The following LASP1 variants were observed in gnomAD, a reference collection of about 807,000 sequenced individuals.
LASP1 encodes the protein LIM and SH3 domain protein 1.
In LASP1, 10 loss-of-function variants were observed where a neutral mutation model predicts 38.6. That is an observed-to-expected ratio of 0.26 (90% confidence interval 0.16 to 0.44). The LOEUF (loss-of-function observed/expected upper bound fraction) is 0.44, where lower values mean the gene tolerates loss of function less well. LASP1 is among the 20% of genes least tolerant of loss of function. The pLI is 1.00. For synonymous variants in LASP1, 132 were observed against 140.8 expected, an observed-to-expected ratio of 0.94 and a Z score of 0.44; for missense variants, 243 against 375.7, an observed-to-expected ratio of 0.65 and a Z score of 2.92.
At chr17:38,898,927 G>A (rs1460175244) in intron 4 of LASP1, 6 of 364,494 alleles carry the variant, frequency 1.6e-5, no homozygotes, top group Non-Finnish European at 2.7e-5. Flanking sequence ...AGTCATTTCC[G>A]CCCTTCCTTG....
intron 1 of LASP1, among the ~76,000 whole-genome samples, chr17:38,877,694 G>A (rs777025749): frequency 1.3e-5 from 2 of 152,116 alleles, no homozygotes; most frequent in East Asian, 3.9e-4. Flanking sequence ...CATGTTCAGC[G>A]GCTGCTCCCT....
At chr17:38,882,723 A>C (rs1437949324) in intron 2 of LASP1, among the ~76,000 whole-genome samples, 1 of 152,202 alleles carries the variant, frequency 6.6e-6, no homozygotes, top group Non-Finnish European at 1.5e-5. Context: ...GTCTCCCTGC[A>C]GATAGTCTAG....
At chr17:38,876,973 A>T (rs952209430) in intron 1 of LASP1, among the ~76,000 whole-genome samples, 3 of 152,014 alleles carry the variant, frequency 2.0e-5, no homozygotes, top group African/African-American at 7.3e-5. Context: ...AAAGTGCGGG[A>T]TTACAGGCGT....
intron 6 of LASP1, chr17:38,916,969 A>C (rs1915149237): frequency 6.6e-6 from 1 of 152,282 alleles, no homozygotes; most frequent in African/African-American, 2.4e-5. Flanking sequence ...TGAGGCAGGA[A>C]TATTCTAGGA....
chr17:38,887,672 C>T (rs935508119), intron 2 of LASP1, among the ~76,000 whole-genome samples: 17 of 152,150 alleles, frequency 1.1e-4, no homozygotes, highest in African/African-American at 3.1e-4. Flanking sequence ...CATCTGGATC[C>T]GGGACAGTGA....
At chr17:38,870,396 T>C in intron 1 of LASP1, 138 bp downstream of exon 1, 2 of 932,342 alleles carry the variant, frequency 2.1e-6, no homozygotes, top group Non-Finnish European at 3.2e-6. Flanking sequence ...GGCGGTGTCA[T>C]GGGGTGTGGG....
At chr17:38,891,910 CAT>C (rs1227804000) in intron 3 of LASP1, among the ~76,000 whole-genome samples, 1 of 151,664 alleles carries the variant, frequency 6.6e-6, no homozygotes, top group East Asian at 1.9e-4. Flanking sequence ...GCTGGGGCAA[CAT>C]AGCAATACCT....
chr17:38,916,186 T>C (rs1457695037), intron 6 of LASP1: 1 of 152,074 alleles, frequency 6.6e-6, no homozygotes, highest in Non-Finnish European at 1.5e-5. Context: ...AATAAGAAAA[T>C]AGGTGTATAA....
chr17:38,910,733 C>CTTTTTTT (rs10526728), intron 4 of LASP1, among the ~76,000 whole-genome samples: 7 of 135,498 alleles, frequency 5.2e-5, no homozygotes, highest in African/African-American at 1.8e-4. Context: ...CTGGAGTCCA[C>CTTTTTTT]TTTTTTTTAA....
intron 5 of LASP1, among the ~76,000 whole-genome samples, chr17:38,914,717 C>T (rs1915062192): frequency 6.6e-6 from 1 of 151,806 alleles, no homozygotes; most frequent in Non-Finnish European, 1.5e-5. Context: ...CACACACATG[C>T]ACGCACGCAT....
In LASP1 at chr17:38,884,669, G is replaced by A. The variant is rs186976066; in HGVS notation, c.165-5751G>A. 3.9e-3 allele frequency among the ~76,000 whole-genome samples: 576 copies of A among 148,034 alleles called. 7 individuals are homozygous for A. The highest frequency in any genetic ancestry group is 0.014 in the African/African-American group (544 of 40,162). On this transcript the variant is annotated intron_variant, in intron 2 of 6. Transcript: ENST00000318008. ...CCTCCTAAAGTGCTAGGATTACAGC[G>A]TGAGCCACCACGTCCGGCTTTTTTT...
chr17:38,888,255 T>A (rs1259047239), intron 2 of LASP1, among the ~76,000 whole-genome samples: 5 of 151,466 alleles, frequency 3.3e-5, no homozygotes, highest in African/African-American at 1.2e-4. Flanking sequence ...TGAGTTCTAG[T>A]CCTGCACCAG....
intron 4 of LASP1, among the ~76,000 whole-genome samples, chr17:38,900,238 G>C (rs1914603211): frequency 6.7e-6 from 1 of 149,420 alleles, no homozygotes; most frequent in African/African-American, 2.5e-5. Flanking sequence ...AAACTAGCCA[G>C]GCATGATAGC....
intron 4 of LASP1, among the ~76,000 whole-genome samples, chr17:38,912,531 G>A (rs1598121297): frequency 1.3e-5 from 2 of 152,198 alleles, no homozygotes; most frequent in African/African-American, 2.4e-5. Flanking sequence ...GGAGTCACCC[G>A]TGATTCTCCA....
intron 3 of LASP1, among the ~76,000 whole-genome samples, chr17:38,892,913 C>T (rs1433072528): frequency 6.6e-6 from 1 of 152,178 alleles, no homozygotes; most frequent in Non-Finnish European, 1.5e-5. Flanking sequence ...ATGGCGGTCA[C>T]TCTTCATTAG....
At chr17:38,885,968 C>T (rs1253385349) in intron 2 of LASP1, among the ~76,000 whole-genome samples, 1 of 152,098 alleles carries the variant, frequency 6.6e-6, no homozygotes, top group Non-Finnish European at 1.5e-5. Flanking sequence ...GTCCTCCTCA[C>T]CTAAATTATC....
At chr17:38,888,102 C>T (rs1458854185) in intron 2 of LASP1, among the ~76,000 whole-genome samples, 2 of 152,054 alleles carry the variant, frequency 1.3e-5, no homozygotes, top group Admixed American at 1.3e-4. Flanking sequence ...CCCACCAGTC[C>T]CTGAAGTAAT....
chr17:38,871,467 C>G (rs934205449), intron 1 of LASP1, among the ~76,000 whole-genome samples: 1 of 152,016 alleles, frequency 6.6e-6, no homozygotes, highest in Admixed American at 6.6e-5. Flanking sequence ...TCCATCTGAA[C>G]TGGGAGGGCT....
At chr17:38,892,522 G>A (rs954179415) in intron 3 of LASP1, among the ~76,000 whole-genome samples, 1 of 151,642 alleles carries the variant, frequency 6.6e-6, no homozygotes, top group Non-Finnish European at 1.5e-5. Context: ...CGGAGAAGAG[G>A]TGCTGGGAGC....
Sources: allele counts gnomAD v4.1 joint callset (sites outside exome capture counted in the v4.1 genomes callset), GRCh38; gene constraint gnomAD v4.1.1; transcripts MANE v1.5; gene names NCBI Gene and HGNC (gene_info 2026-07-23, HGNC 2026-07-21).